Variants in MGAT4C observed in about 807,000 individuals in gnomAD.
MGAT4C encodes MGAT4 family member C.
In MGAT4C, 19 loss-of-function variants were observed where a neutral mutation model predicts 40.1. The observed-to-expected ratio is 0.47, with a 90% CI of 0.33 to 0.70. The LOEUF (loss-of-function observed/expected upper bound fraction) is 0.70, where lower values mean the gene tolerates loss of function less well. MGAT4C is among the 30% of genes least tolerant of loss of function. MGAT4C has a pLI of 0.02. For synonymous variants in MGAT4C, 181 were observed against 187.1 expected, an observed-to-expected ratio of 0.97 and a Z score of 0.27; for missense variants, 491 against 563.2, an observed-to-expected ratio of 0.87 and a Z score of 1.30.
intron 2 of MGAT4C, among the ~76,000 whole-genome samples, chr12:86,035,103 A>G (rs1197748181): frequency 6.7e-6 from 1 of 149,976 alleles, no homozygotes; most frequent in Non-Finnish European, 1.5e-5. Context: ...CAGTAATGGG[A>G]TTGCTGGGTC....
intron 2 of MGAT4C, among the ~76,000 whole-genome samples, chr12:86,526,102 C>T (rs1244605833): frequency 6.6e-6 from 1 of 152,106 alleles, no homozygotes; most frequent in Non-Finnish European, 1.5e-5. Flanking sequence ...TGCATGGAGT[C>T]AGGTGGTGTT....
chr12:86,536,821 G>A (rs1959078037), intron 2 of MGAT4C, among the ~76,000 whole-genome samples: 2 of 152,064 alleles, frequency 1.3e-5, no homozygotes, highest in Admixed American at 6.5e-5. Flanking sequence ...GATTCCTCAG[G>A]GATCTAGAAC....
chr12:86,628,299 T>A (rs192993867), intron 2 of MGAT4C, among the ~76,000 whole-genome samples: 28 of 152,176 alleles, frequency 1.8e-4, no homozygotes, highest in African/African-American at 6.7e-4. Flanking sequence ...ACGGGGAGAA[T>A]GGAACTAAGC....
At chr12:86,599,455 A>T (rs1349252728) in intron 2 of MGAT4C, 1 of 152,184 alleles carries the variant, frequency 6.6e-6, no homozygotes, top group Non-Finnish European at 1.5e-5. Flanking sequence ...CCCAAATAAG[A>T]TCAACATTTT....
chr12:86,251,123 T>C (rs1223284264), intron 1 of MGAT4C, among the ~76,000 whole-genome samples: 2 of 118,428 alleles, frequency 1.7e-5, no homozygotes, highest in East Asian at 2.8e-4. Flanking sequence ...TAGGTACTTT[T>C]ATTTCCCGTT....
At chr12:86,646,802 ATTGTT>A (rs1257377858) in intron 2 of MGAT4C, among the ~76,000 whole-genome samples, 2 of 151,842 alleles carry the variant, frequency 1.3e-5, no homozygotes, top group Non-Finnish European at 2.9e-5. Context: ...TTATTTATGT[ATTGTT>A]TTATTTTATT....
intron 2 of MGAT4C, among the ~76,000 whole-genome samples, chr12:86,577,978 T>C (rs1174909505): frequency 6.6e-6 from 1 of 151,748 alleles, no homozygotes; most frequent in Non-Finnish European, 1.5e-5. Context: ...TGTCTAAACA[T>C]GTCCGTGTTT....
chr12:86,254,963 A>T (rs1276464943), intron 1 of MGAT4C, among the ~76,000 whole-genome samples: 1 of 152,106 alleles, frequency 6.6e-6, no homozygotes, highest in Admixed American at 6.6e-5. Flanking sequence ...AGTGTGACAT[A>T]GCTGAAAAAC....
At chr12:86,644,247 A>T (rs2136525696) in intron 2 of MGAT4C, among the ~76,000 whole-genome samples, 1 of 151,870 alleles carries the variant, frequency 6.6e-6, no homozygotes, top group African/African-American at 2.4e-5. Flanking sequence ...CAATAAGAAT[A>T]AACTAAGAAT....
At chr12:86,740,914 T>C (rs757577057) in intron 1 of MGAT4C, among the ~76,000 whole-genome samples, 1 of 151,126 alleles carries the variant, frequency 6.6e-6, no homozygotes, top group Non-Finnish European at 1.5e-5. Context: ...GTATATGATG[T>C]GATATTGAGG....
chr12:86,727,275 A>C (rs912513578), intron 1 of MGAT4C: 1 of 152,156 alleles, frequency 6.6e-6, no homozygotes, highest in African/African-American at 2.4e-5. Flanking sequence ...AGGATTAATA[A>C]ATCATATTGC....
intron 2 of MGAT4C, among the ~76,000 whole-genome samples, chr12:86,034,355 A>G (rs1891027656): frequency 1.3e-5 from 2 of 149,602 alleles, no homozygotes; most frequent in African/African-American, 4.9e-5. Flanking sequence ...ACATTGGTAG[A>G]ATTTGGCTGT....
At chr12:86,626,778 T>A (rs1187529276) in intron 2 of MGAT4C, among the ~76,000 whole-genome samples, 1 of 152,220 alleles carries the variant, frequency 6.6e-6, no homozygotes, top group African/African-American at 2.4e-5. Flanking sequence ...GGAATAGCTC[T>A]AGTCTGCAGC....
chr12:86,081,110 T>C (rs1870759532), intron 1 of MGAT4C, among the ~76,000 whole-genome samples: 1 of 152,104 alleles, frequency 6.6e-6, no homozygotes, highest in African/African-American at 2.4e-5. Flanking sequence ...TTAACATAGT[T>C]TTAGCATTCC....
intron 3 of MGAT4C, among the ~76,000 whole-genome samples, chr12:86,420,879 A>G (rs180969592): frequency 1.7e-4 from 25 of 146,844 alleles, no homozygotes; most frequent in African/African-American, 5.2e-4. Flanking sequence ...ATATACATAC[A>G]TGTATATGTG....
intron 2 of MGAT4C, among the ~76,000 whole-genome samples, chr12:86,444,055 G>C (rs571312203): frequency 6.6e-6 from 1 of 151,962 alleles, no homozygotes; most frequent in Non-Finnish European, 1.5e-5. Context: ...TACTTCATTT[G>C]TCTCTCTAGT....
intron 2 of MGAT4C, among the ~76,000 whole-genome samples, chr12:86,694,496 G>A (rs1410305045): frequency 1.3e-5 from 2 of 152,038 alleles, no homozygotes; most frequent in East Asian, 1.9e-4. Context: ...TGTAACAATT[G>A]CAGAATTAGT....
At chr12:86,393,770 T>C (rs1379912544) in intron 3 of MGAT4C, among the ~76,000 whole-genome samples, 2 of 118,726 alleles carry the variant, frequency 1.7e-5, no homozygotes, top group Non-Finnish European at 3.7e-5. Context: ...ATGTCTTTCA[T>C]GGTGATTAGC....
At chr12:86,524,716 A>T (rs1281677527) in intron 2 of MGAT4C, among the ~76,000 whole-genome samples, 1 of 152,050 alleles carries the variant, frequency 6.6e-6, no homozygotes, top group Non-Finnish European at 1.5e-5. Context: ...TGAGTCTTAC[A>T]TTTGGTATCT....
Sources: gnomAD v4.1 joint callset for allele counts (sites outside exome capture counted in the v4.1 genomes callset) on GRCh38, gnomAD v4.1.1 for gene constraint, MANE v1.5 for transcripts, NCBI Gene and HGNC (gene_info 2026-07-23, HGNC 2026-07-21) for gene names.